The following PLCXD3 variants were observed in gnomAD, a reference collection of about 807,000 sequenced individuals.
PLCXD3 encodes the protein PI-PLC X domain-containing protein 3.
PLCXD3 carries 19 observed loss-of-function variants against 25.5 expected under a neutral mutation model. The ratio of observed to expected loss-of-function variants is 0.75; its 90% CI spans 0.52 to 1.09. The LOEUF (loss-of-function observed/expected upper bound fraction) is 1.09, where lower values mean the gene tolerates loss of function less well. Among genes scored for constraint, PLCXD3 ranks in the 50% least tolerant of loss-of-function variants. The probability of loss-of-function intolerance (pLI) is 0.00; values close to 1 mark genes in which losing one functional copy is unlikely to be tolerated. For synonymous variants in PLCXD3, 174 were observed against 137.6 expected (o/e 1.26, Z -1.85); for missense variants, 411 against 388.1 (o/e 1.06, Z -0.50).
chr5:41,420,046 C>T (rs1404351141), intron 1 of PLCXD3, among the ~76,000 whole-genome samples: 1 of 152,042 alleles, frequency 6.6e-6, no homozygotes. Context: ...TAATTATTCT[C>T]TGTCAAATGT....
chr5:41,412,395 A>G (rs9654392), intron 1 of PLCXD3, among the ~76,000 whole-genome samples: 8,867 of 152,188 alleles, frequency 0.058, 872 homozygotes, highest in African/African-American at 0.2. Flanking sequence ...CTCTTCCTAT[A>G]TCTTTTATAA....
intron 1 of PLCXD3, among the ~76,000 whole-genome samples, chr5:41,504,458 C>G (rs183083113): frequency 6.6e-6 from 1 of 152,276 alleles, no homozygotes; most frequent in East Asian, 1.9e-4. Flanking sequence ...CAAAAAGATG[C>G]CTGGTTTTGG....
chr5:41,509,368 C>G (rs1310937873), intron 1 of PLCXD3, among the ~76,000 whole-genome samples: 1 of 152,044 alleles, frequency 6.6e-6, no homozygotes, highest in African/African-American at 2.4e-5. Context: ...AACTGCATAG[C>G]CAAATTGACA....
intron 1 of PLCXD3, among the ~76,000 whole-genome samples, chr5:41,459,701 C>T (rs1747831858): frequency 6.6e-6 from 1 of 151,756 alleles, no homozygotes; most frequent in African/African-American, 2.4e-5. Context: ...ATCAGAGACA[C>T]ATCCCTGCAA....
chr5:41,449,461 T>C (rs1466050236), intron 1 of PLCXD3, among the ~76,000 whole-genome samples: 7 of 152,176 alleles, frequency 4.6e-5, no homozygotes, highest in Non-Finnish European at 7.3e-5. Context: ...CATTCAAAAA[T>C]TGAAATGCAT....
intron 2 of PLCXD3, among the ~76,000 whole-genome samples, chr5:41,360,559 G>GTGGT (rs1254822948): frequency 6.6e-6 from 1 of 152,198 alleles, no homozygotes; most frequent in Non-Finnish European, 1.5e-5. Flanking sequence ...CTCCCTTGAT[G>GTGGT]TGGTGTTCTT....
At position 41,415,139 on chromosome 5, in the gene PLCXD3, C is replaced by T. The variant is rs564500645; in HGVS notation, c.104-32605G>A. 9.9e-5 allele frequency among the ~76,000 whole-genome samples: 15 copies of T among 152,192 alleles called. No homozygotes were observed. The East Asian group carries it at 2.9e-3, about 29-fold the overall frequency. On this transcript the variant is annotated intron_variant, in intron 1 of 2. Transcript: ENST00000377801. Reference sequence around the variant, plus strand: ...TGTATCCCCTATGGAAAAGGGGATGCTATTGTAAAACCAAAGACATAGATT... The same window carrying T: ...TGTATCCCCTATGGAAAAGGGGATGTTATTGTAAAACCAAAGACATAGATT...
chr5:41,506,132 G>A (rs999985557), intron 1 of PLCXD3, among the ~76,000 whole-genome samples: 2 of 152,172 alleles, frequency 1.3e-5, no homozygotes, highest in African/African-American at 4.8e-5. Context: ...AAGCCCACAT[G>A]TATGCTGATG....
In PLCXD3 at chr5:41,309,281, T is replaced by G. The variant is rs573494825; in HGVS notation, c.*4336A>C. On this transcript the variant is annotated 3_prime_UTR_variant, in exon 3 of 3. Transcript: ENST00000377801. ...TCTACAGAACACTTTATCATTATCA[T>G]TGGGAAAACAAACAATTTAGAGCAT... The G allele has an allele frequency of 6.5e-6, 1 of 152,708 alleles. No homozygotes were observed. Among genetic ancestry groups the G allele is most frequent in the East Asian group, 1.9e-4 (1 of 5,186 alleles). The allele number at this position is 152,708 out of a possible 1,614,324, so 9.5% of individuals were successfully genotyped here. A position where few individuals can be genotyped will look rare whatever the true frequency, so the allele number is the denominator to read the frequency against.
chr5:41,388,532 G>T lies in PLCXD3; in HGVS notation c.104-5998C>A, dbSNP rs922141442. Among the ~76,000 whole-genome samples, 3 of 151,984 alleles carry T rather than the reference G, an allele frequency of 2.0e-5. No homozygotes were observed. The East Asian group carries it at 5.8e-4, about 29-fold the overall frequency. ...ATCAGATTGTGCTGCATTGCAGTTT[G>T]CTGTAATATACTGGCTGGTTAAGTA... On this transcript the variant is annotated intron_variant, in intron 1 of 2. Coordinates refer to ENST00000377801, the MANE Select transcript of PLCXD3 (RefSeq NM_001005473.3).
intron 2 of PLCXD3, among the ~76,000 whole-genome samples, chr5:41,372,908 G>A (rs1745147520): frequency 6.6e-6 from 1 of 152,050 alleles, no homozygotes; most frequent in African/African-American, 2.4e-5. Context: ...GCCAGGCATG[G>A]TGGCATACAC....
At chr5:41,462,365 A>G (rs1354276074) in intron 1 of PLCXD3, among the ~76,000 whole-genome samples, 2 of 152,028 alleles carry the variant, frequency 1.3e-5, no homozygotes, top group African/African-American at 4.8e-5. Context: ...TATTTGCAAC[A>G]CCTGTGAGAC....
intron 2 of PLCXD3, among the ~76,000 whole-genome samples, chr5:41,342,485 C>T (rs1056586998): frequency 6.6e-6 from 1 of 152,120 alleles, no homozygotes; most frequent in Admixed American, 6.6e-5. Flanking sequence ...GGCCTCAAAG[C>T]AGTTGAGGCC....
At chr5:41,353,752 T>C (rs1298597762) in intron 2 of PLCXD3, among the ~76,000 whole-genome samples, 16 of 152,192 alleles carry the variant, frequency 1.1e-4, no homozygotes, top group Non-Finnish European at 5.9e-5. Context: ...TTCAGGATTC[T>C]TTTCTTCTGA....
rs1262258828 is a variant in PLCXD3, at chr5:41,393,884, C to T, written c.104-11350G>A. 9.9e-5 allele frequency among the ~76,000 whole-genome samples: 15 copies of T among 151,954 alleles called. 1 individual carries two copies. Among genetic ancestry groups the T allele is most frequent in the South Asian group, 8.3e-4 (4 of 4,808 alleles). Reference sequence around the variant, plus strand: ...GGCAGAGCTTGCAGTGAGCCGAGATCGCACCACTACACTCCAGTCTGGGTG... The same window carrying T: ...GGCAGAGCTTGCAGTGAGCCGAGATTGCACCACTACACTCCAGTCTGGGTG... On this transcript the variant is annotated intron_variant, in intron 1 of 2. Coordinates refer to ENST00000377801, the MANE Select transcript of PLCXD3 (RefSeq NM_001005473.3).
At chr5:41,398,864 A>C (rs558767752) in intron 1 of PLCXD3, among the ~76,000 whole-genome samples, 3 of 152,212 alleles carry the variant, frequency 2.0e-5, no homozygotes, top group African/African-American at 4.8e-5. Context: ...TAGAGCAATC[A>C]GACAAGAGAA....
chr5:41,457,090 G>T lies in PLCXD3; in HGVS notation c.103+53334C>A, dbSNP rs494871. 4.4e-3 allele frequency among the ~76,000 whole-genome samples: 665 copies of T among 151,908 alleles called. 8 individuals carry two copies. Among genetic ancestry groups the T allele is most frequent in the African/African-American group, 0.015 (637 of 41,496 alleles). On this transcript the variant is annotated intron_variant, in intron 1 of 2. Transcript: ENST00000377801. ...AGAGCTTTCTGCAAAAATAAATCTT[G>T]AAAATGTTTTTGCTACTTTATAAGT...
rs964274404 is a variant in PLCXD3, at chr5:41,474,780, T to C, written c.103+35644A>G. Among the ~76,000 whole-genome samples the C allele has an allele frequency of 2.5e-4, 38 of 152,194 alleles. 1 individual carries two copies. Among genetic ancestry groups the C allele is most frequent in the South Asian group, 2.1e-4 (1 of 4,830 alleles). ...AATCAAAATCAACAACTCCTGGGAC[T>C]ACAGTAATTCCCTGTAAATTGACTT... On this transcript the variant is annotated intron_variant, in intron 1 of 2. Coordinates refer to ENST00000377801, the MANE Select transcript of PLCXD3 (RefSeq NM_001005473.3).
At chr5:41,446,199 A>AAAAAAAAAAAAAAAAAAAAAC (rs1747498115) in intron 1 of PLCXD3, among the ~76,000 whole-genome samples, 1 of 143,672 alleles carries the variant, frequency 7.0e-6, no homozygotes, top group East Asian at 1.9e-4. Context: ...AAAAAAAAAA[A>AAAAAAAAAAAAAAAAAAAAAC]AAGAACAACG....
Sources: allele counts gnomAD v4.1 joint callset (sites outside exome capture counted in the v4.1 genomes callset), GRCh38; gene constraint gnomAD v4.1.1; transcripts MANE v1.5; gene names NCBI Gene and HGNC (gene_info 2026-07-23, HGNC 2026-07-21).